The following SLC2A13 variants were observed in gnomAD, a reference collection of about 807,000 sequenced individuals.
The protein encoded by SLC2A13 is proton myo-inositol cotransporter.
In SLC2A13, 32 loss-of-function variants were observed where a neutral mutation model predicts 64.4. That is an observed-to-expected ratio of 0.50 (90% CI 0.37 to 0.67). The LOEUF is 0.67. Among genes scored for constraint, SLC2A13 ranks in the 30% least tolerant of loss-of-function variants. SLC2A13 has a pLI of 0.00. For missense variants in SLC2A13, 743 were observed against 829.2 expected, an observed-to-expected ratio of 0.90 and a Z score of 1.28; for synonymous variants, 338 against 327.1, an observed-to-expected ratio of 1.03 and a Z score of -0.36.
intron 4 of SLC2A13, among the ~76,000 whole-genome samples, chr12:39,915,899 C>A (rs923245247): frequency 6.6e-6 from 1 of 151,896 alleles, no homozygotes; most frequent in African/African-American, 2.4e-5. Flanking sequence ...TGATTTACAG[C>A]ATAATTTCTA....
At chr12:40,028,206 T>C (rs1947850147) in intron 3 of SLC2A13, 95 bp downstream of exon 3, 11 of 597,142 alleles carry the variant, frequency 1.8e-5, no homozygotes. Flanking sequence ...AATACCCATA[T>C]ATTAAAAATA....
At chr12:39,891,756 A>AG (rs1944615336) in intron 4 of SLC2A13, among the ~76,000 whole-genome samples, 1 of 152,216 alleles carries the variant, frequency 6.6e-6, no homozygotes, top group Admixed American at 6.5e-5. Context: ...ATCAGGGCTC[A>AG]GTCCCCTAAA....
intron 1 of SLC2A13, among the ~76,000 whole-genome samples, chr12:40,053,573 G>A (rs538889627): frequency 7.2e-5 from 11 of 151,946 alleles, no homozygotes; most frequent in Non-Finnish European, 1.5e-4. Context: ...AACTTCTAGG[G>A]GCAAAAGAGT....
At chr12:39,773,592 T>A (rs1940664116) in intron 7 of SLC2A13, among the ~76,000 whole-genome samples, 1 of 152,218 alleles carries the variant, frequency 6.6e-6, no homozygotes, top group South Asian at 2.1e-4. Flanking sequence ...ACTTAAGCAG[T>A]GCAAATATAC....
At chr12:39,917,019 T>C (rs980072175) in intron 4 of SLC2A13, among the ~76,000 whole-genome samples, 2 of 152,044 alleles carry the variant, frequency 1.3e-5, no homozygotes, top group African/African-American at 4.8e-5. Flanking sequence ...ACAAATTCAA[T>C]TGACAAATTT....
chr12:39,895,439 G>A (rs1289821574), intron 4 of SLC2A13, among the ~76,000 whole-genome samples: 10 of 139,482 alleles, frequency 7.2e-5, no homozygotes, highest in East Asian at 4.2e-4. Flanking sequence ...GCAGTGAGCC[G>A]AGATCGTGCC....
intron 1 of SLC2A13, among the ~76,000 whole-genome samples, chr12:40,090,732 A>T (rs1217498792): frequency 6.6e-6 from 1 of 152,204 alleles, no homozygotes; most frequent in Non-Finnish European, 1.5e-5. Context: ...CTTTTGCAAC[A>T]TTCATGATTT....
chr12:40,082,645 G>A (rs1190071544), intron 1 of SLC2A13, among the ~76,000 whole-genome samples: 1 of 152,194 alleles, frequency 6.6e-6, no homozygotes, highest in South Asian at 2.1e-4. Flanking sequence ...GCCACCTAGA[G>A]GAGTACAGTG....
chr12:40,096,219 G>A (rs1348788335), intron 1 of SLC2A13, among the ~76,000 whole-genome samples: 1 of 151,654 alleles, frequency 6.6e-6, no homozygotes, highest in Non-Finnish European at 1.5e-5. Context: ...ATGAGCCACC[G>A]CACCCGGCCA....
At chr12:40,040,588 C>T (rs143723921) in intron 2 of SLC2A13, among the ~76,000 whole-genome samples, 14 of 152,260 alleles carry the variant, frequency 9.2e-5, no homozygotes, top group Middle Eastern at 3.4e-3. Context: ...GATGGGGTTT[C>T]ACCATGTTGG....
At chr12:39,763,602 G>A (rs1429820237) in intron 9 of SLC2A13, among the ~76,000 whole-genome samples, 1 of 152,018 alleles carries the variant, frequency 6.6e-6, no homozygotes, top group Non-Finnish European at 1.5e-5. Context: ...AATGATAAGT[G>A]GCCAGAGCAC....
At chr12:39,896,408 ATATG>A (rs1193277337) in intron 4 of SLC2A13, among the ~76,000 whole-genome samples, 42 of 127,666 alleles carry the variant, frequency 3.3e-4, no homozygotes, top group African/African-American at 1.2e-3. Flanking sequence ...ATGTATACAT[ATATG>A]TATGTATATG....
chr12:39,850,770 A>G (rs1943445015), intron 6 of SLC2A13, among the ~76,000 whole-genome samples: 1 of 152,334 alleles, frequency 6.6e-6, no homozygotes, highest in Non-Finnish European at 1.5e-5. Context: ...GAATAACTAT[A>G]TTCAATTTCA....
At chr12:40,044,608 A>G (rs1364383632) in intron 2 of SLC2A13, among the ~76,000 whole-genome samples, 2 of 152,238 alleles carry the variant, frequency 1.3e-5, no homozygotes, top group East Asian at 3.8e-4. Flanking sequence ...ATGAAGTGCC[A>G]GAAAAATAGC....
At chr12:39,870,475 T>C (rs1316118705) in intron 5 of SLC2A13, among the ~76,000 whole-genome samples, 2 of 152,182 alleles carry the variant, frequency 1.3e-5, no homozygotes, top group African/African-American at 4.8e-5. Flanking sequence ...TTTCTTATAT[T>C]AAGTAAAAAT....
intron 1 of SLC2A13, among the ~76,000 whole-genome samples, chr12:40,073,290 T>C (rs1044086107): frequency 1.3e-5 from 2 of 152,086 alleles, no homozygotes; most frequent in South Asian, 2.1e-4. Context: ...TATATGTATG[T>C]AACAGAAACC....
At chr12:40,032,517 A>G (rs1219839340) in intron 2 of SLC2A13, among the ~76,000 whole-genome samples, 1 of 152,236 alleles carries the variant, frequency 6.6e-6, no homozygotes, top group South Asian at 2.1e-4. Flanking sequence ...AGACAAGGTT[A>G]GGCCAGCTGT....
At chr12:39,793,662 T>G (rs1375601293) in intron 7 of SLC2A13, among the ~76,000 whole-genome samples, 1 of 152,156 alleles carries the variant, frequency 6.6e-6, no homozygotes, top group Non-Finnish European at 1.5e-5. Flanking sequence ...GTTAGGTAGA[T>G]GGAGCTGGGA....
At chr12:39,961,265 G>C (rs1946408378) in intron 3 of SLC2A13, among the ~76,000 whole-genome samples, 1 of 151,826 alleles carries the variant, frequency 6.6e-6, no homozygotes, top group South Asian at 2.1e-4. Flanking sequence ...TTTTGGTAGA[G>C]ATGGGGTTTC....
Sources: gnomAD v4.1 joint callset for allele counts (sites outside exome capture counted in the v4.1 genomes callset) on GRCh38, gnomAD v4.1.1 for gene constraint, MANE v1.5 for transcripts, NCBI Gene and HGNC (gene_info 2026-07-23, HGNC 2026-07-21) for gene names.